The following ROBO1 variants were observed in gnomAD, a reference collection of about 807,000 sequenced individuals.
ROBO1 encodes the protein roundabout guidance receptor 1.
ROBO1 carries 149 observed loss-of-function variants against 195.9 expected under a neutral mutation model. The observed-to-expected ratio is 0.76, with a 90% CI of 0.67 to 0.87. The LOEUF (loss-of-function observed/expected upper bound fraction) is 0.87. Ranked by LOEUF, ROBO1 falls within the 40% of genes least tolerant of loss-of-function variation. The pLI is 0.00. For missense variants in ROBO1, 1,933 were observed against 2,068.3 expected (o/e 0.93, Z 1.27); for synonymous variants, 816 against 733.2 (o/e 1.11, Z -1.82).
At chr3:79,232,672 G>T (rs1004702970) in intron 2 of ROBO1, among the ~76,000 whole-genome samples, 1 of 152,060 alleles carries the variant, frequency 6.6e-6, no homozygotes, top group Non-Finnish European at 1.5e-5. Context: ...CTTTCCATCA[G>T]CCAACTTAAT....
At chr3:79,608,338 T>C (rs1944553229) in intron 1 of ROBO1, among the ~76,000 whole-genome samples, 1 of 151,964 alleles carries the variant, frequency 6.6e-6, no homozygotes, top group Non-Finnish European at 1.5e-5. Flanking sequence ...CCTAAACCAA[T>C]TTAAATCACA....
intron 26 of ROBO1, among the ~76,000 whole-genome samples, chr3:78,625,831 C>T (rs907432925): frequency 4.6e-5 from 7 of 151,930 alleles, no homozygotes; most frequent in East Asian, 1.9e-4. Flanking sequence ...GGCTGAGGTG[C>T]GAATGCGAAT....
intron 3 of ROBO1, among the ~76,000 whole-genome samples, chr3:79,012,992 T>C (rs1393399657): frequency 6.6e-6 from 1 of 152,086 alleles, no homozygotes; most frequent in African/African-American, 2.4e-5. Context: ...GCAACTTTAT[T>C]GGCTATGCAT....
rs753311952 is a variant in ROBO1, at chr3:78,617,725, A to G, written c.4192T>C (p.Phe1398Leu). 6.2e-7 allele frequency: 1 copy of G among 1,613,920 alleles called. No individual in the cohort carries two copies. Among genetic ancestry groups the G allele is most frequent in the Non-Finnish European group, 8.5e-7 (1 of 1,179,854 alleles). ...GCCTGGGCAAAGTCAGCATCAGTGA[A>G]AAAGGAGCCGTCCGAAGAACTAACA... ...SSVSSSDGSF[F>L]TDADFAQAVA... The change falls in exon 27 of 31, where the codon TTC becomes CTC. Residue 1398 changes from phenylalanine to leucine, a missense_variant. Coordinates refer to ENST00000464233, the MANE Select transcript of ROBO1 (RefSeq NM_002941.4).
chr3:79,691,226 C>A (rs1001723320), intron 1 of ROBO1, among the ~76,000 whole-genome samples: 1 of 151,738 alleles, frequency 6.6e-6, no homozygotes, highest in Non-Finnish European at 1.5e-5. Flanking sequence ...CAGATATTTA[C>A]AGCTATAGAA....
intron 2 of ROBO1, among the ~76,000 whole-genome samples, chr3:79,363,825 T>G (rs2035860919): frequency 6.6e-6 from 1 of 152,214 alleles, no homozygotes; most frequent in East Asian, 1.9e-4. Flanking sequence ...GTATCAAGTT[T>G]ATGATAATAA....
intron 1 of ROBO1, among the ~76,000 whole-genome samples, chr3:79,733,909 T>C (rs911686662): frequency 1.3e-5 from 2 of 152,018 alleles, no homozygotes; most frequent in African/African-American, 4.8e-5. Context: ...CTTATTACCT[T>C]ATGATAAGAC....
intron 4 of ROBO1, among the ~76,000 whole-genome samples, chr3:78,752,679 G>A (rs980649840): frequency 2.0e-5 from 3 of 151,924 alleles, no homozygotes; most frequent in African/African-American, 7.2e-5. Context: ...CCATTGAAGA[G>A]GAAAACTAAA....
intron 3 of ROBO1, among the ~76,000 whole-genome samples, chr3:78,993,595 C>T (rs1431938683): frequency 3.3e-5 from 5 of 152,144 alleles, no homozygotes; most frequent in East Asian, 1.9e-4. Context: ...TTTGCATTTC[C>T]GCCATGACCT....
intron 2 of ROBO1, among the ~76,000 whole-genome samples, chr3:79,438,446 A>G (rs1237845464): frequency 3.3e-5 from 5 of 152,022 alleles, no homozygotes; most frequent in African/African-American, 1.2e-4. Context: ...TATTCCTTAC[A>G]TCAAATATGG....
At chr3:78,817,203 C>T (rs1396392425) in intron 4 of ROBO1, among the ~76,000 whole-genome samples, 2 of 152,028 alleles carry the variant, frequency 1.3e-5, no homozygotes, top group African/African-American at 4.8e-5. Flanking sequence ...CACAGCCACC[C>T]AAGCCTTCTG....
chr3:78,703,524 C>T (rs1575972975), intron 8 of ROBO1, among the ~76,000 whole-genome samples: 1 of 152,076 alleles, frequency 6.6e-6, no homozygotes, highest in East Asian at 1.9e-4. Flanking sequence ...AATCTCTTTC[C>T]CCATCAGCCC....
rs550548427 is a variant in ROBO1 at position 79,017,424 on chromosome 3, A to G, written c.173-78497T>C. Among the ~76,000 whole-genome samples, 3 of 148,536 alleles carry G rather than the reference A, an allele frequency of 2.0e-5. No individual in the cohort carries two copies. The East Asian group carries it at 6.2e-4, about 31-fold the overall frequency. On this transcript the variant is annotated intron_variant, in intron 3 of 30. Coordinates refer to ENST00000464233, the MANE Select transcript of ROBO1 (RefSeq NM_002941.4). ...ATGCAATTTGAAGCTCAGTATGCGA[A>G]TGTGACTATAAAAATTCCGAGGTGC...
At chr3:78,870,568 A>C (rs2107137636) in intron 4 of ROBO1, among the ~76,000 whole-genome samples, 1 of 152,310 alleles carries the variant, frequency 6.6e-6, no homozygotes, top group African/African-American at 2.4e-5. Context: ...AGAAATTGGT[A>C]GGAATAAAAG....
intron 2 of ROBO1, among the ~76,000 whole-genome samples, chr3:79,289,792 T>C (rs2032128378): frequency 6.6e-6 from 1 of 152,152 alleles, no homozygotes. Flanking sequence ...CCCAATAACA[T>C]ACTTTGTTAG....
At chr3:79,027,921 A>G (rs999234310) in intron 3 of ROBO1, among the ~76,000 whole-genome samples, 4 of 152,026 alleles carry the variant, frequency 2.6e-5, no homozygotes, top group Non-Finnish European at 4.4e-5. Context: ...AGCCAGTGAA[A>G]CAATCTTATC....
chr3:79,496,453 G>A (rs1455733503), intron 2 of ROBO1, among the ~76,000 whole-genome samples: 1 of 129,778 alleles, frequency 7.7e-6, no homozygotes, highest in Non-Finnish European at 1.6e-5. Context: ...GCGCAATCTC[G>A]GCTCACTGCA....
rs545675383 is a variant in ROBO1 at position 78,901,464 on chromosome 3, A to G, written c.499+37137T>C. On this transcript the variant is annotated intron_variant, in intron 4 of 30. Coordinates refer to ENST00000464233, the MANE Select transcript of ROBO1 (RefSeq NM_002941.4). ...TTTACTTTAAAATATAGTAAATATA[A>G]AAGAGGAGCAATGTACAATATTAAA... Among the ~76,000 whole-genome samples, 10 of 152,346 alleles carry G rather than the reference A, an allele frequency of 6.6e-5. No homozygotes were observed. The East Asian group carries it at 1.7e-3, about 26-fold the overall frequency.
rs144807541 is a variant in ROBO1 at position 78,895,390 on chromosome 3, T to G, written c.499+43211A>C. 4.9e-3 allele frequency among the ~76,000 whole-genome samples: 741 copies of G among 152,302 alleles called. 5 individuals carry two copies. The highest frequency in any genetic ancestry group is 0.017 in the African/African-American group (703 of 41,574). On this transcript the variant is annotated intron_variant, in intron 4 of 30. Transcript: ENST00000464233. ...TAATCAATTTTAAAAGGCCTTGTTG[T>G]TTTTCAAAATTATTTAAGTTTTTGA... is the stretch of plus-strand genomic sequence containing the variant.
Sources: gnomAD v4.1 joint callset for allele counts (sites outside exome capture counted in the v4.1 genomes callset) on GRCh38, gnomAD v4.1.1 for gene constraint, MANE v1.5 for transcripts, NCBI Gene and HGNC (gene_info 2026-07-23, HGNC 2026-07-21) for gene names.